The following DACH2 variants were observed in gnomAD, a reference collection of about 807,000 sequenced individuals.
DACH2 encodes dachshund family transcription factor 2.
A neutral mutation model predicts 35.8 loss-of-function variants in DACH2; 17 were observed. The ratio of observed to expected loss-of-function variants is 0.48; its 90% CI spans 0.33 to 0.71. The LOEUF (loss-of-function observed/expected upper bound fraction) is 0.71, where lower values mean the gene tolerates loss of function less well. DACH2 is among the 30% of genes least tolerant of loss of function. The pLI is 0.02. For missense variants in DACH2, 469 were observed against 472.7 expected (o/e 0.99, Z 0.07); for synonymous variants, 195 against 177.3 (o/e 1.10, Z -0.79).
intron 1 of DACH2, among the ~76,000 whole-genome samples, chrX:86,343,765 G>C (rs1025735691): frequency 9.0e-6 from 1 of 111,375 alleles, no homozygotes. Flanking sequence ...TTGTAAACTT[G>C]TATTTATTAT....
intron 1 of DACH2, among the ~76,000 whole-genome samples, chrX:86,260,113 TG>T (rs1182834293): frequency 9.0e-6 from 1 of 110,996 alleles, no homozygotes; most frequent in Non-Finnish European, 1.9e-5. Context: ...ACTCTTTTTT[TG>T]CAATATCAAA....
chrX:86,663,466 A>G (rs1273112275), intron 4 of DACH2, among the ~76,000 whole-genome samples: 1 of 111,710 alleles, frequency 9.0e-6, no homozygotes, highest in Non-Finnish European at 1.9e-5. Flanking sequence ...TATTTTTGAC[A>G]CTTATCAGTT....
intron 1 of DACH2, among the ~76,000 whole-genome samples, chrX:86,318,470 T>C (rs1386077884): frequency 3.6e-5 from 4 of 111,694 alleles, no homozygotes; most frequent in African/African-American, 9.8e-5. Flanking sequence ...TGACAAAATG[T>C]CCAGGGTGGT....
chrX:86,417,933 G>T (rs2036736634), intron 2 of DACH2, among the ~76,000 whole-genome samples: 1 of 111,784 alleles, frequency 8.9e-6, no homozygotes, highest in Admixed American at 9.5e-5. Context: ...ATACAATGGG[G>T]GTAAAGGCAT....
chrX:86,636,408 A>AT (rs58014676), intron 3 of DACH2, among the ~76,000 whole-genome samples: 13,438 of 110,990 alleles, frequency 0.12, 716 homozygotes, highest in East Asian at 0.32. Context: ...AGATCACCCC[A>AT]TTGCATTGCA....
chrX:86,616,879 C>T (rs911475566), intron 3 of DACH2, among the ~76,000 whole-genome samples: 1 of 111,642 alleles, frequency 9.0e-6, no homozygotes, highest in African/African-American at 3.3e-5. Flanking sequence ...TTGTCCTCTT[C>T]GGTTTTTATA....
chrX:86,546,495 TCTTCTTTC>T (rs2148306004), intron 3 of DACH2, among the ~76,000 whole-genome samples: 1 of 75,837 alleles, frequency 1.3e-5, no homozygotes, highest in African/African-American at 5.8e-5. Flanking sequence ...CTCTTCTTCT[TCTTCTTTC>T]TTTTTTTTTT....
intron 2 of DACH2, among the ~76,000 whole-genome samples, chrX:86,396,570 G>C (rs1221988773): frequency 9.5e-6 from 1 of 105,639 alleles, no homozygotes; most frequent in African/African-American, 3.5e-5. Flanking sequence ...TTTGTATAAG[G>C]TGTAAGGAAG....
chrX:86,540,686 G>A (rs1050998097), intron 3 of DACH2, among the ~76,000 whole-genome samples: 4 of 111,023 alleles, frequency 3.6e-5, no homozygotes, highest in Admixed American at 2.9e-4. Context: ...GAGTGCAGCT[G>A]GTACACTAGT....
intron 7 of DACH2, among the ~76,000 whole-genome samples, chrX:86,758,371 T>A (rs1318593941): frequency 8.9e-6 from 1 of 111,853 alleles, no homozygotes; most frequent in Non-Finnish European, 1.9e-5. Flanking sequence ...TTGCTATAAC[T>A]TCTCTCTTAG....
At chrX:86,647,638 T>C (rs1043341053) in intron 3 of DACH2, among the ~76,000 whole-genome samples, 1 of 110,859 alleles carries the variant, frequency 9.0e-6, no homozygotes, top group Non-Finnish European at 1.9e-5. Flanking sequence ...TACTGTATTG[T>C]ATACTTAAAA....
chrX:86,401,151 G>A (rs1480957519), intron 2 of DACH2, among the ~76,000 whole-genome samples: 1 of 112,143 alleles, frequency 8.9e-6, no homozygotes, highest in Non-Finnish European at 1.9e-5. Context: ...AATGATTGAG[G>A]CTCCGTGGGT....
At chrX:86,661,237 C>T (rs1208866082) in intron 4 of DACH2, among the ~76,000 whole-genome samples, 1 of 112,134 alleles carries the variant, frequency 8.9e-6, no homozygotes, top group Non-Finnish European at 1.9e-5. Context: ...CAACTACTAT[C>T]ATTATGTAAT....
intron 1 of DACH2, among the ~76,000 whole-genome samples, chrX:86,277,321 A>G (rs1311497037): frequency 9.0e-6 from 1 of 110,805 alleles, no homozygotes; most frequent in Non-Finnish European, 1.9e-5. Flanking sequence ...TCTTTTTCAG[A>G]TTGTTCACTG....
intron 6 of DACH2, among the ~76,000 whole-genome samples, chrX:86,724,307 CAT>C (rs113802894): frequency 0.23 from 25,600 of 111,204 alleles, 2,411 homozygotes; most frequent in Admixed American, 0.44. Flanking sequence ...TATACTTCCA[CAT>C]GTTTTCGTGA....
At chrX:86,326,512 C>CACAT (rs1283321887) in intron 1 of DACH2, among the ~76,000 whole-genome samples, 22 of 102,916 alleles carry the variant, frequency 2.1e-4, no homozygotes, top group African/African-American at 6.7e-4. Context: ...CACACACACA[C>CACAT]ATATATATAT....
intron 1 of DACH2, among the ~76,000 whole-genome samples, chrX:86,249,931 CT>C (rs751179792): frequency 9.0e-6 from 1 of 111,427 alleles, no homozygotes; most frequent in African/African-American, 3.3e-5. Flanking sequence ...GGTTATCATC[CT>C]AAGCAAATTA....
At chrX:86,729,009 G>A (rs768406911) in intron 6 of DACH2, among the ~76,000 whole-genome samples, 2 of 112,087 alleles carry the variant, frequency 1.8e-5, no homozygotes, top group Non-Finnish European at 3.8e-5. Context: ...TATGAGAAAG[G>A]GGCTACGGGC....
At chrX:86,583,773 G>T (rs1399878556) in intron 3 of DACH2, among the ~76,000 whole-genome samples, 1 of 109,543 alleles carries the variant, frequency 9.1e-6, no homozygotes, top group African/African-American at 3.3e-5. Context: ...TGGTCATAGT[G>T]TGTGTGTGAG....
Sources: allele counts gnomAD v4.1 joint callset (sites outside exome capture counted in the v4.1 genomes callset), GRCh38; gene constraint gnomAD v4.1.1; transcripts MANE v1.5; gene names NCBI Gene and HGNC (gene_info 2026-07-23, HGNC 2026-07-21).